The following COLEC11 variants were observed in gnomAD, a reference collection of about 807,000 sequenced individuals.
The protein encoded by COLEC11 is collectin-11.
In COLEC11, 20 loss-of-function variants were observed where a neutral mutation model predicts 27.3. The observed-to-expected ratio is 0.73, with a 90% CI of 0.51 to 1.06. COLEC11 has a LOEUF of 1.06. Among genes scored for constraint, COLEC11 ranks in the 50% least tolerant of loss-of-function variants. COLEC11 has a pLI of 0.00. For synonymous variants in COLEC11, 163 were observed against 154.7 expected, an observed-to-expected ratio of 1.05 and a Z score of -0.40; for missense variants, 310 against 383.0, an observed-to-expected ratio of 0.81 and a Z score of 1.59.
intron 3 of COLEC11, among the ~76,000 whole-genome samples, chr2:3,631,873 T>TA (rs1041288866): frequency 4.6e-5 from 7 of 152,200 alleles, no homozygotes; most frequent in Non-Finnish European, 1.0e-4. Flanking sequence ...TCCTGCGCCA[T>TA]GTGTCCAGCC....
Position 3,601,748 on chromosome 2 carries a change from C to T in COLEC11, c.-26-2567C>T, listed in dbSNP as rs534122319. ...TCCCACGCGCGTGCCCAAGCCCTGGCTCCGCCCTAACTCTAATCCTCTCTC... is the reference window on the plus strand; with the variant it reads ...TCCCACGCGCGTGCCCAAGCCCTGGTTCCGCCCTAACTCTAATCCTCTCTC... On this transcript the variant is annotated intron_variant, in intron 1 of 6. Transcript: ENST00000349077. 4.6e-5 allele frequency among the ~76,000 whole-genome samples: 7 copies of T among 152,336 alleles called. No homozygotes were observed. In the South Asian group the frequency reaches 1.4e-3, roughly 32 times the overall value.
At chr2:3,606,360 T>A in intron 2 of COLEC11, 1 of 854,418 alleles carries the variant, frequency 1.2e-6, no homozygotes, top group Non-Finnish European at 1.8e-6. Context: ...CTGGGTCCCC[T>A]GGATGTGCTG....
chr2:3,633,108 C>G (rs962000996), intron 3 of COLEC11, among the ~76,000 whole-genome samples: 20 of 152,196 alleles, frequency 1.3e-4, no homozygotes, highest in African/African-American at 4.8e-4. Context: ...AGAGAAGCGG[C>G]CCACAGGCCC....
intron 3 of COLEC11, among the ~76,000 whole-genome samples, chr2:3,632,907 G>A (rs112357398): frequency 1.7e-4 from 1 of 6,004 alleles, no homozygotes; most frequent in Non-Finnish European, 2.9e-4. Flanking sequence ...CAAACACCAC[G>A]GGCTGAGGAG....
chr2:3,598,638 C>T (rs1039188800), intron 1 of COLEC11, among the ~76,000 whole-genome samples: 1 of 151,778 alleles, frequency 6.6e-6, no homozygotes, highest in Non-Finnish European at 1.5e-5. Context: ...TTCTAATATC[C>T]GCGTGAGCAC....
At chr2:3,596,379 C>CA (rs1413724367) in intron 1 of COLEC11, among the ~76,000 whole-genome samples, 1 of 150,884 alleles carries the variant, frequency 6.6e-6, no homozygotes, top group African/African-American at 2.4e-5. Flanking sequence ...CTCTGTCACC[C>CA]AGGCTGGAGT....
intron 1 of COLEC11, chr2:3,603,253 G>A (rs190885174): frequency 1.3e-4 from 22 of 165,850 alleles, no homozygotes; most frequent in East Asian, 5.2e-4. Flanking sequence ...TCTGTTTCCC[G>A]GGCCTCTCCC....
At chr2:3,599,326 C>A (rs1662064356) in intron 1 of COLEC11, among the ~76,000 whole-genome samples, 2 of 152,200 alleles carry the variant, frequency 1.3e-5, no homozygotes, top group African/African-American at 2.4e-5. Flanking sequence ...ATGACCCACA[C>A]CACAGGACGG....
At chr2:3,605,909 G>A (rs1662652862) in intron 2 of COLEC11, 1 of 666,424 alleles carries the variant, frequency 1.5e-6, no homozygotes, top group Admixed American at 3.1e-5. Context: ...TGTTAGCCCT[G>A]CTGTTGGAAA....
intron 5 of COLEC11, among the ~76,000 whole-genome samples, chr2:3,640,541 T>C (rs1261364477): frequency 3.6e-5 from 2 of 56,278 alleles, no homozygotes; most frequent in African/African-American, 9.4e-5. Context: ...CATCCCACGG[T>C]GGACACCCAC....
At chr2:3,597,459 A>G (rs961259451) in intron 1 of COLEC11, among the ~76,000 whole-genome samples, 2 of 152,120 alleles carry the variant, frequency 1.3e-5, no homozygotes, top group Non-Finnish European at 2.9e-5. Context: ...GTGTGAGTGA[A>G]GGCACGAGAA....
Position 3,604,491 on chromosome 2 carries a change from G to A in COLEC11, c.130+21G>A, listed in dbSNP as rs374839414. On this transcript the variant is annotated intron_variant, in intron 2 of 6. Coordinates refer to ENST00000349077, the MANE Select transcript of COLEC11 (RefSeq NM_024027.5). ...CAAAGGTAACCGCTCCCTGGACTCT[G>A]GGCTGCTGGGCAGTGGCCTCCGGGC... 3.0e-5 allele frequency: 48 copies of A among 1,613,256 alleles called. 1 individual carries two copies. In the African/African-American group the frequency reaches 4.9e-4, roughly 17 times the overall value.
intron 3 of COLEC11, among the ~76,000 whole-genome samples, chr2:3,631,212 C>T (rs1401662402): frequency 1.3e-5 from 2 of 150,098 alleles, no homozygotes; most frequent in African/African-American, 2.5e-5. Context: ...GCCTGCACGA[C>T]AGAGCAAGAC....
chr2:3,612,762 T>C (rs114150219), intron 2 of COLEC11, among the ~76,000 whole-genome samples: 3,615 of 152,118 alleles, frequency 0.024, 150 homozygotes, highest in African/African-American at 0.08. Context: ...CTGCTGAGCC[T>C]TGGAAGTGGG....
intron 3 of COLEC11, among the ~76,000 whole-genome samples, chr2:3,623,513 A>G (rs1664320417): frequency 1.3e-5 from 2 of 151,812 alleles, no homozygotes. Context: ...TCTCTGATTG[A>G]ATATTTTTAA....
intron 3 of COLEC11, among the ~76,000 whole-genome samples, chr2:3,631,784 C>T (rs982825208): frequency 2.0e-5 from 3 of 152,170 alleles, no homozygotes; most frequent in Non-Finnish European, 4.4e-5. Context: ...CTGCTTTGCA[C>T]ACTCTGGTCT....
At chr2:3,610,189 C>T (rs1217883951) in intron 2 of COLEC11, among the ~76,000 whole-genome samples, 1 of 152,238 alleles carries the variant, frequency 6.6e-6, no homozygotes, top group Non-Finnish European at 1.5e-5. Context: ...GGACATGTCA[C>T]TTGATTCTCG....
intron 3 of COLEC11, chr2:3,617,528 T>A (rs1663852870): frequency 6.5e-7 from 1 of 1,534,372 alleles, no homozygotes; most frequent in Non-Finnish European, 9.0e-7. Context: ...ATACAGTGCA[T>A]ATTGGCGGCG....
At chr2:3,626,843 C>A (rs569701395) in intron 3 of COLEC11, among the ~76,000 whole-genome samples, 1 of 152,324 alleles carries the variant, frequency 6.6e-6, no homozygotes, top group South Asian at 2.1e-4. Context: ...ACCTAGGACA[C>A]CCTGGGCGCT....
Sources: gnomAD v4.1 joint callset for allele counts (sites outside exome capture counted in the v4.1 genomes callset) on GRCh38, gnomAD v4.1.1 for gene constraint, MANE v1.5 for transcripts, NCBI Gene and HGNC (gene_info 2026-07-23, HGNC 2026-07-21) for gene names.